The following GALNT8 variants were observed in gnomAD, a reference collection of about 807,000 sequenced individuals.
The protein encoded by GALNT8 is polypeptide N-acetylgalactosaminyltransferase 8.
GALNT8 carries 66 observed loss-of-function variants against 62.7 expected under a neutral mutation model. The ratio of observed to expected loss-of-function variants is 1.05; its 90% CI spans 0.86 to 1.29. The LOEUF is 1.29. GALNT8 is among the 50% of genes most tolerant of loss of function. The pLI is 0.00. For missense variants in GALNT8, 771 were observed against 791.8 expected (o/e 0.97, Z 0.32); for synonymous variants, 288 against 294.3 (o/e 0.98, Z 0.22).
chr12:4,758,388 C>T (rs985198916), intron 6 of GALNT8, among the ~76,000 whole-genome samples: 6 of 152,034 alleles, frequency 3.9e-5, no homozygotes, highest in Non-Finnish European at 8.8e-5. Flanking sequence ...AAAGAAAAAA[C>T]AGCATTTGTT....
At position 4,734,328 on chromosome 12, in the gene GALNT8, G is replaced by A. The variant is rs1356398038; in HGVS notation, c.510-4835G>A. ...TACTGTACCACCCTCTTACAGCATT[G>A]GTATCACTTGGGAGCCTGGAAGAAA... On this transcript the variant is annotated intron_variant, in intron 2 of 10. Coordinates refer to ENST00000252318, the MANE Select transcript of GALNT8 (RefSeq NM_017417.2). 2.6e-5 allele frequency among the ~76,000 whole-genome samples: 4 copies of A among 152,144 alleles called. No individual in the cohort carries two copies. The South Asian group carries it at 6.2e-4, about 24-fold the overall frequency.
intron 10 of GALNT8, among the ~76,000 whole-genome samples, chr12:4,771,945 G>A (rs1046049373): frequency 6.6e-6 from 1 of 152,196 alleles, no homozygotes; most frequent in Non-Finnish European, 1.5e-5. Context: ...ATAAACCTTA[G>A]CGAAGTCCCC....
At chr12:4,740,247 G>A (rs897295241) in intron 3 of GALNT8, among the ~76,000 whole-genome samples, 4 of 152,010 alleles carry the variant, frequency 2.6e-5, no homozygotes, top group African/African-American at 9.7e-5. Context: ...TCATAATCCC[G>A]GCTTCTCCTT....
At position 4,745,552 on chromosome 12, in the gene GALNT8, C is replaced by G. The variant is rs780809250; in HGVS notation, c.984C>G (p.Asn328Lys). 1.9e-6 allele frequency: 3 copies of G among 1,613,910 alleles called. No homozygotes were observed. The highest frequency in any genetic ancestry group is 4.5e-5 in the East Asian group (2 of 44,868). The change falls in exon 5 of 11, where the codon AAC becomes AAG. Residue 328 changes from asparagine to lysine, a missense_variant. By Grantham distance (94) the Asn-to-Lys change is moderately conservative (BLOSUM62 0). Coordinates refer to ENST00000252318, the MANE Select transcript of GALNT8 (RefSeq NM_017417.2). ...ATGAACTGGCAGTTGATGGGTTTAACTGGGAACTCTGGTGCCGCTACGATG... is the reference window on the plus strand; with the variant it reads ...ATGAACTGGCAGTTGATGGGTTTAAGTGGGAACTCTGGTGCCGCTACGATG... The part of the protein sequence containing the change: ...DKYELAVDGF[N>K]WELWCRYDAL...
At chr12:4,756,742 A>G (rs1037585984) in intron 6 of GALNT8, among the ~76,000 whole-genome samples, 4 of 152,216 alleles carry the variant, frequency 2.6e-5, no homozygotes, top group Admixed American at 2.6e-4. Flanking sequence ...TGTACCCAGT[A>G]AGGACCCACT....
rs533966107 is a variant in GALNT8, at chr12:4,721,130, G to A, written c.211+242G>A. ...GAGGTGAGCATGTGTGTGTGTATGC[G>A]TGTGTGGGCTTGTGCACATGCATTA... On this transcript the variant is annotated intron_variant, in intron 1 of 10. Transcript: ENST00000252318. Among the ~76,000 whole-genome samples the A allele has an allele frequency of 6.6e-4, 100 of 152,124 alleles. 1 individual carries two copies. The highest frequency in any genetic ancestry group is 3.5e-3 in the South Asian group (17 of 4,796).
chr12:4,740,676 G>A lies in GALNT8; in HGVS notation c.676+1347G>A, dbSNP rs1268487954. On this transcript the variant is annotated intron_variant, in intron 3 of 10. Transcript: ENST00000252318. ...TGATCTCAGATGGTTTGCCTGCCTCGGCCTCTCAAAGTGCTGGGATTACAG... is the reference window on the plus strand; with the variant it reads ...TGATCTCAGATGGTTTGCCTGCCTCAGCCTCTCAAAGTGCTGGGATTACAG... 3.3e-5 allele frequency among the ~76,000 whole-genome samples: 5 copies of A among 152,076 alleles called. No homozygotes were observed. In the East Asian group the frequency reaches 5.8e-4, roughly 18 times the overall value.
intron 9 of GALNT8, among the ~76,000 whole-genome samples, chr12:4,764,791 A>G (rs1946391247): frequency 1.3e-5 from 2 of 148,806 alleles, no homozygotes; most frequent in Admixed American, 6.7e-5. Context: ...TGATCTCGTG[A>G]TCCGCCCACC....
At chr12:4,732,309 A>G (rs1400113370) in intron 2 of GALNT8, among the ~76,000 whole-genome samples, 1 of 152,214 alleles carries the variant, frequency 6.6e-6, no homozygotes, top group Non-Finnish European at 1.5e-5. Flanking sequence ...GTTCTCTCCC[A>G]TTGCTTGAGA....
At chr12:4,732,159 A>G (rs1214455244) in intron 2 of GALNT8, among the ~76,000 whole-genome samples, 1 of 152,162 alleles carries the variant, frequency 6.6e-6, no homozygotes, top group African/African-American at 2.4e-5. Flanking sequence ...ATATTTTGTG[A>G]TTGGTTAAAG....
chr12:4,744,062 G>A (rs1229156142), intron 3 of GALNT8, among the ~76,000 whole-genome samples: 3 of 152,238 alleles, frequency 2.0e-5, no homozygotes, highest in African/African-American at 4.8e-5. Context: ...TGGTCCTTAA[G>A]TAGGTCAACT....
At chr12:4,764,152 G>C in intron 9 of GALNT8, 105 bp downstream of exon 9, 1 of 755,286 alleles carries the variant, frequency 1.3e-6, no homozygotes, top group Non-Finnish European at 2.5e-6. Flanking sequence ...TGGGGAGGCA[G>C]GAGCGGAGCA....
intron 6 of GALNT8, among the ~76,000 whole-genome samples, chr12:4,752,164 T>C (rs773594320): frequency 1.3e-5 from 2 of 152,124 alleles, no homozygotes; most frequent in Non-Finnish European, 2.9e-5. Flanking sequence ...GTATGTTTCT[T>C]ATAGGCAACA....
chr12:4,727,146 G>C (rs1440183271), intron 2 of GALNT8, among the ~76,000 whole-genome samples: 5 of 152,032 alleles, frequency 3.3e-5, no homozygotes, highest in Non-Finnish European at 2.9e-5. Context: ...AGCTGAGAAG[G>C]GACTTGCGCA....
chr12:4,744,691 A>G lies in GALNT8; in HGVS notation c.851A>G (p.Asn284Ser), dbSNP rs372830083. 90 of 1,610,306 alleles carry G rather than the reference A, an allele frequency of 5.6e-5. No homozygotes were observed. The highest frequency in any genetic ancestry group is 1.1e-4 in the South Asian group (10 of 90,726). Residue 284 changes from asparagine (N) to serine (S), a missense_variant, in exon 4 of 11, where the codon AAT (asparagine) becomes AGT (serine). Asn to Ser is a conservative substitution (Grantham distance 46, BLOSUM62 1). Transcript: ENST00000252318. ...VAILDAHIEV[N>S]VGWAEPILAR... ...ATCTTGGATGCTCACATTGAAGTCA[A>G]TGTTGGGTGGTAAGGCTCAAAGAGG... is the stretch of plus-strand genomic sequence containing the variant.
chr12:4,758,995 C>G (rs983727868), intron 6 of GALNT8, among the ~76,000 whole-genome samples: 1 of 152,032 alleles, frequency 6.6e-6, no homozygotes, highest in East Asian at 1.9e-4. Flanking sequence ...AGGCTGGTCT[C>G]AAATTCCTGA....
chr12:4,767,602 C>A (rs1946405446), intron 10 of GALNT8, among the ~76,000 whole-genome samples: 1 of 152,188 alleles, frequency 6.6e-6, no homozygotes. Flanking sequence ...AAAGGCCTTA[C>A]AGCTTCAGGT....
chr12:4,742,577 G>A (rs1306109036), intron 3 of GALNT8, among the ~76,000 whole-genome samples: 1 of 152,204 alleles, frequency 6.6e-6, no homozygotes, highest in Non-Finnish European at 1.5e-5. Context: ...CAAACCGAGT[G>A]AACCGTCAGT....
At chr12:4,747,671 C>T (rs925243093) in intron 6 of GALNT8, among the ~76,000 whole-genome samples, 2 of 152,122 alleles carry the variant, frequency 1.3e-5, no homozygotes. Context: ...AGTGCTGCAA[C>T]AAACAAAAGA....
Sources: allele counts gnomAD v4.1 joint callset (sites outside exome capture counted in the v4.1 genomes callset), GRCh38; gene constraint gnomAD v4.1.1; transcripts MANE v1.5; gene names NCBI Gene and HGNC (gene_info 2026-07-23, HGNC 2026-07-21).